ALDH3B1: variants seen among roughly 807,000 people sequenced by gnomAD.
The protein encoded by ALDH3B1 is aldehyde dehydrogenase 3 family member B1.
ALDH3B1 carries 37 observed loss-of-function variants against 46.2 expected under a neutral mutation model. That is an observed-to-expected ratio of 0.80 (90% CI 0.62 to 1.05). The LOEUF (loss-of-function observed/expected upper bound fraction) is 1.05, where lower values mean the gene tolerates loss of function less well. Ranked by LOEUF, ALDH3B1 falls within the 50% of genes least tolerant of loss-of-function variation. The pLI, the probability that ALDH3B1 is intolerant of heterozygous loss-of-function variation, is 0.00. For synonymous variants in ALDH3B1, 283 were observed against 281.0 expected (o/e 1.01, Z -0.07); for missense variants, 603 against 665.5 (o/e 0.91, Z 1.03).
chr11:68,022,729 CT>C lies in ALDH3B1; in HGVS notation c.1085del (p.Leu362ArgfsTer17), dbSNP rs1369847371. 1.9e-6 allele frequency: 3 copies of C among 1,614,042 alleles called. No individual in the cohort carries two copies. Among genetic ancestry groups the C allele is most frequent in the South Asian group, 2.2e-5 (2 of 91,088 alleles). The stretch of plus-strand genomic sequence containing the variant: ...GTTCATCAACCGGCGGGAGAAGCCC[CT>C]GGCCCTGTACGCCTTCTCCAACAGC... Reference protein sequence around the residue: ...IEFINRREKPLALYAFSNSSQ... With the variant: ...IEFINRREKPXALYAFSNSSQ... On this transcript the variant is annotated frameshift_variant, in exon 8 of 10. Coordinates refer to ENST00000342456, the MANE Select transcript of ALDH3B1 (RefSeq NM_000694.4). LOFTEE classifies it high-confidence loss of function.
chr11:68,009,197 T>G (rs1435637022), upstream of ALDH3B1, among the ~76,000 whole-genome samples: 4 of 152,166 alleles, frequency 2.6e-5, no homozygotes, highest in Admixed American at 2.0e-4. Context: ...CTTCCTCGTT[T>G]GTAAAATGTT....
intron 6 of ALDH3B1, among the ~76,000 whole-genome samples, chr11:68,021,060 G>A (rs1377241511): frequency 6.6e-6 from 1 of 152,232 alleles, no homozygotes; most frequent in Non-Finnish European, 1.5e-5. Context: ...TTAGAGAAGA[G>A]AGACCTGAAT....
chr11:68,026,384 A>G (rs1019537386), intron 9 of ALDH3B1, among the ~76,000 whole-genome samples: 1 of 152,136 alleles, frequency 6.6e-6, no homozygotes. Flanking sequence ...TAAAAATACC[A>G]CACAACTATG....
chr11:68,028,425 C>CTGT lies in ALDH3B1; in HGVS notation c.*486_*487insTGT. 1 of 267,176 alleles carries CTGT rather than the reference C, an allele frequency of 3.7e-6. No homozygotes were observed. 16.6% of individuals were successfully genotyped at this position (267,176 alleles called of 1,614,324 possible). On this transcript the variant is annotated 3_prime_UTR_variant, in exon 10 of 10. Transcript: ENST00000342456. ...GGTGAGGCGGCTCACACCTGTAATCCCAGCACTTTGGGAGGCCGAGGCAGG... is the reference window on the plus strand; with the variant it reads ...GGTGAGGCGGCTCACACCTGTAATCCTGTCAGCACTTTGGGAGGCCGAGGCAGG...
chr11:68,009,541 C>T (rs1857189755), upstream of ALDH3B1, among the ~76,000 whole-genome samples: 1 of 152,242 alleles, frequency 6.6e-6, no homozygotes, highest in African/African-American at 2.4e-5. Flanking sequence ...AGGCTTACAA[C>T]TTTAAGGGGT....
intron 5 of ALDH3B1, 62 bp downstream of exon 5, chr11:68,019,317 C>T (rs1279111924): frequency 6.8e-7 from 1 of 1,477,796 alleles, no homozygotes; most frequent in Non-Finnish European, 9.3e-7. Context: ...TGGGCAGCCC[C>T]TGGCATGGAA....
At chr11:68,022,058 C>T (rs1013067734) in intron 7 of ALDH3B1, among the ~76,000 whole-genome samples, 187 bp downstream of exon 7, 4 of 152,220 alleles carry the variant, frequency 2.6e-5, no homozygotes, top group African/African-American at 7.2e-5. Flanking sequence ...CCCTATGAGG[C>T]CAAACTCTGG....
chr11:68,010,609 AC>A lies in ALDH3B1; in HGVS notation c.-2+223del, dbSNP rs568304835. Among the ~76,000 whole-genome samples the A allele has an allele frequency of 2.1e-4, 32 of 151,588 alleles. No homozygotes were observed. The East Asian group carries it at 6.2e-3, about 30-fold the overall frequency. On this transcript the variant is annotated intron_variant, in intron 1 of 9. Coordinates refer to ENST00000342456, the MANE Select transcript of ALDH3B1 (RefSeq NM_000694.4). The stretch of plus-strand genomic sequence containing the variant: ...GGGGAGTGGCAGCGAGGTCCCGGGC[AC>A]CCCCCTGGCCAGCAGGCACCCTTCC...
At chr11:68,012,296 C>T (rs565556153) in intron 1 of ALDH3B1, among the ~76,000 whole-genome samples, 15 of 152,198 alleles carry the variant, frequency 9.9e-5, no homozygotes, top group African/African-American at 3.6e-4. Flanking sequence ...GCACCCACAG[C>T]GAGCACCCAG....
upstream of ALDH3B1, among the ~76,000 whole-genome samples, chr11:68,009,182 C>T (rs1857183681): frequency 6.6e-6 from 1 of 152,182 alleles, no homozygotes; most frequent in African/African-American, 2.4e-5. Flanking sequence ...CCCTCTCTGC[C>T]CCCACTTCCT....
Position 68,021,899 on chromosome 11 carries a change from C to T in ALDH3B1, c.949+28C>T, listed in dbSNP as rs1352901950. 6.4e-6 allele frequency: 10 copies of T among 1,563,664 alleles called. No homozygotes were observed. In the South Asian group the frequency reaches 7.3e-5, roughly 11 times the overall value. On this transcript the variant is annotated intron_variant, in intron 7 of 9. Transcript: ENST00000342456. ...GAGTCCTGCTGCCCCTACCACAGCC[C>T]ACCTGGGCCAAGACCCCTCCTCACT...
intron 2 of ALDH3B1, chr11:68,018,273 A>T (rs1272022923): frequency 1.9e-6 from 1 of 524,940 alleles, no homozygotes; most frequent in Non-Finnish European, 3.4e-6. Flanking sequence ...CCACGTCCTA[A>T]TGGAGCCGTC....
At position 68,022,771 on chromosome 11, in the gene ALDH3B1, C is replaced by T. The variant is rs372936105; in HGVS notation, c.1116+10C>T. On this transcript the variant is annotated intron_variant, in intron 8 of 9. Coordinates refer to ENST00000342456, the MANE Select transcript of ALDH3B1 (RefSeq NM_000694.4). ...CTCCAACAGCAGCCAGGTGGGGGTGCGGCCGGGCTGGGCAGGGTCAGGAGC... is the reference window on the plus strand; with the variant it reads ...CTCCAACAGCAGCCAGGTGGGGGTGTGGCCGGGCTGGGCAGGGTCAGGAGC... 165 of 1,613,542 alleles carry T rather than the reference C, an allele frequency of 1.0e-4. 1 individual carries two copies. In the African/African-American group the frequency reaches 1.6e-3, roughly 16 times the overall value.
intron 6 of ALDH3B1, among the ~76,000 whole-genome samples, chr11:68,021,130 G>A (rs1169265568): frequency 1.3e-5 from 2 of 152,194 alleles, no homozygotes; most frequent in African/African-American, 4.8e-5. Flanking sequence ...GTTTCCAAAG[G>A]AGATGGGTGG....
chr11:68,026,130 C>T, intron 9 of ALDH3B1, 22 bp downstream of exon 9: 1 of 1,567,092 alleles, frequency 6.4e-7, no homozygotes, highest in Non-Finnish European at 8.7e-7. Flanking sequence ...CTACCCTGCC[C>T]TTCTGTTACC....
intron 7 of ALDH3B1, 22 bp downstream of exon 7, chr11:68,021,893 AC>A (rs767981735): frequency 6.4e-7 from 1 of 1,569,342 alleles, no homozygotes; most frequent in Admixed American, 1.8e-5. Flanking sequence ...TGCCCCTACC[AC>A]AGCCCACCTG....
chr11:68,009,594 G>A (rs181165126), upstream of ALDH3B1, among the ~76,000 whole-genome samples: 425 of 152,374 alleles, frequency 2.8e-3, 4 homozygotes, highest in African/African-American at 9.3e-3. Flanking sequence ...CTCGGGGAAC[G>A]TGACCGGGGG....
chr11:68,027,952 G>T lies in ALDH3B1; in HGVS notation c.*13G>T. On this transcript the variant is annotated 3_prime_UTR_variant, in exon 10 of 10. Coordinates refer to ENST00000342456, the MANE Select transcript of ALDH3B1 (RefSeq NM_000694.4). ...CACACTGCTCTGAGCCCTTCCCCAG[G>T]CCCAGGCTGTAGACCACCATGACAG... is the stretch of plus-strand genomic sequence containing the variant. 1 of 1,552,700 alleles carries T rather than the reference G, an allele frequency of 6.4e-7. No individual in the cohort carries two copies. Among genetic ancestry groups the T allele is most frequent in the East Asian group, 2.4e-5 (1 of 41,860 alleles).
At chr11:68,015,058 T>G in intron 1 of ALDH3B1, 2 of 401,906 alleles carry the variant, frequency 5.0e-6, no homozygotes, top group East Asian at 3.6e-5. Context: ...CAGAGGGGAG[T>G]GGTGCGAGGG....
Sources: gnomAD v4.1 joint callset for allele counts (sites outside exome capture counted in the v4.1 genomes callset) on GRCh38, gnomAD v4.1.1 for gene constraint, MANE v1.5 for transcripts, NCBI Gene and HGNC (gene_info 2026-07-23, HGNC 2026-07-21) for gene names.